The following XKR9 variants were observed in gnomAD, a reference collection of about 807,000 sequenced individuals.
XKR9 encodes the protein XK-related protein 9.
In XKR9, 32 loss-of-function variants were observed where a neutral mutation model predicts 32.0. The observed-to-expected ratio is 1.00, with a 90% confidence interval of 0.76 to 1.34. XKR9 has a LOEUF of 1.34. XKR9 is among the 40% of genes most tolerant of loss of function. The pLI, the probability that XKR9 is intolerant of heterozygous loss-of-function variation, is 0.00. For missense variants in XKR9, 546 were observed against 429.7 expected, an observed-to-expected ratio of 1.27 and a Z score of -2.39; for synonymous variants, 168 against 143.4, an observed-to-expected ratio of 1.17 and a Z score of -1.22.
intron 3 of XKR9, among the ~76,000 whole-genome samples, chr8:70,684,409 AT>A (rs1819188407): frequency 6.6e-6 from 1 of 152,096 alleles, no homozygotes; most frequent in Admixed American, 6.6e-5. Flanking sequence ...CCTCCCTCTC[AT>A]TCCTTGTATC....
intron 2 of XKR9, among the ~76,000 whole-genome samples, chr8:70,767,176 A>G (rs895041643): frequency 2.0e-5 from 3 of 152,300 alleles, no homozygotes; most frequent in Admixed American, 2.0e-4. Flanking sequence ...AAGGAATGGT[A>G]CCAGCTCCTC....
At chr8:70,800,495 A>G in the XKR9 span, among the ~76,000 whole-genome samples, 9 of 151,974 alleles carry the variant, frequency 5.9e-5, no homozygotes, top group Middle Eastern at 3.4e-3. Context: ...TGCTATGGGC[A>G]TTTATTTTTA....
downstream of XKR9, among the ~76,000 whole-genome samples, chr8:70,794,518 G>C (rs1807803893): frequency 6.6e-6 from 1 of 152,024 alleles, no homozygotes; most frequent in South Asian, 2.1e-4. Flanking sequence ...GATTGAGAAA[G>C]TTCTGTTTTC....
At chr8:70,928,479 T>G in the XKR9 span, among the ~76,000 whole-genome samples, 10 of 152,174 alleles carry the variant, frequency 6.6e-5, no homozygotes, top group East Asian at 1.7e-3. Context: ...ATAATCTGAT[T>G]TTTTTTAGGT....
At chr8:70,680,113 A>G (rs1563417387) in intron 2 of XKR9, among the ~76,000 whole-genome samples, 1 of 152,108 alleles carries the variant, frequency 6.6e-6, no homozygotes, top group Non-Finnish European at 1.5e-5. Context: ...AAAACCATAA[A>G]TAGTATACAG....
the XKR9 span, among the ~76,000 whole-genome samples, chr8:70,804,475 A>G: frequency 6.6e-6 from 1 of 152,218 alleles, no homozygotes; most frequent in African/African-American, 2.4e-5. Context: ...GCAAAGTGGG[A>G]TGATCACTAA....
chr8:70,850,041 C>T, the XKR9 span, among the ~76,000 whole-genome samples: 52 of 151,894 alleles, frequency 3.4e-4, no homozygotes, highest in East Asian at 9.7e-3. Context: ...ACCAGAGGTA[C>T]AAAGAGGAGC....
chr8:71,041,744 TTC>T, the XKR9 span, among the ~76,000 whole-genome samples: 2 of 151,648 alleles, frequency 1.3e-5, no homozygotes, highest in Non-Finnish European at 1.5e-5. Flanking sequence ...CTCTCTCCCT[TTC>T]TCTCTCTCTC....
the XKR9 span, among the ~76,000 whole-genome samples, chr8:70,856,151 C>T: frequency 6.6e-4 from 101 of 152,062 alleles, 2 homozygotes; most frequent in South Asian, 2.1e-3. Flanking sequence ...TATAAATGGG[C>T]GAAATGCTCC....
chr8:70,728,177 G>C (rs1806540035), intron 4 of XKR9, among the ~76,000 whole-genome samples: 2 of 152,162 alleles, frequency 1.3e-5, no homozygotes, highest in Admixed American at 6.5e-5. Flanking sequence ...AAGCAAGATG[G>C]AGTTGGTTAG....
At chr8:70,703,915 C>T (rs563178253) in intron 3 of XKR9, among the ~76,000 whole-genome samples, 1 of 152,114 alleles carries the variant, frequency 6.6e-6, no homozygotes, top group South Asian at 2.1e-4. Flanking sequence ...GGGCGTGGTA[C>T]CTCACGCCTG....
At chr8:70,741,006 A>T (rs1192956469) in intron 2 of XKR9, among the ~76,000 whole-genome samples, 1 of 152,248 alleles carries the variant, frequency 6.6e-6, no homozygotes, top group African/African-American at 2.4e-5. Flanking sequence ...AAGCTGTCAG[A>T]CAGGGACATT....
At chr8:71,021,286 G>A in the XKR9 span, among the ~76,000 whole-genome samples, 1 of 152,090 alleles carries the variant, frequency 6.6e-6, no homozygotes, top group Non-Finnish European at 1.5e-5. Flanking sequence ...GTGATGCAGA[G>A]CATTTTTTCA....
intron 2 of XKR9, among the ~76,000 whole-genome samples, chr8:70,764,525 A>C (rs1307358217): frequency 2.0e-5 from 3 of 152,182 alleles, no homozygotes; most frequent in African/African-American, 7.2e-5. Flanking sequence ...TCTATATGAA[A>C]GTCTATGATT....
chr8:70,958,049 A>G, the XKR9 span, among the ~76,000 whole-genome samples: 1 of 152,146 alleles, frequency 6.6e-6, no homozygotes, highest in African/African-American at 2.4e-5. Flanking sequence ...TGGAGTCCCA[A>G]AGTGGTGGAA....
chr8:70,753,756 G>A (rs1228705386), intron 2 of XKR9, among the ~76,000 whole-genome samples: 1 of 151,602 alleles, frequency 6.6e-6, no homozygotes, highest in African/African-American at 2.4e-5. Flanking sequence ...GGTACTGATG[G>A]GACGTATCTC....
intron 3 of XKR9, among the ~76,000 whole-genome samples, chr8:70,703,810 A>T (rs775894823): frequency 6.6e-6 from 1 of 152,144 alleles, no homozygotes; most frequent in Non-Finnish European, 1.5e-5. Flanking sequence ...AGATATAGGG[A>T]TAAAAATATG....
the XKR9 span, among the ~76,000 whole-genome samples, chr8:70,847,936 A>G: frequency 2.0e-5 from 3 of 152,114 alleles, no homozygotes; most frequent in Admixed American, 2.0e-4. Flanking sequence ...CAAAAAATGG[A>G]AAAGGAGGGA....
chr8:71,003,690 A>T, the XKR9 span, among the ~76,000 whole-genome samples: 1 of 152,338 alleles, frequency 6.6e-6, no homozygotes, highest in East Asian at 1.9e-4. Flanking sequence ...GTGAATGAAT[A>T]CATATGGCCC....
Sources: allele counts gnomAD v4.1 joint callset (sites outside exome capture counted in the v4.1 genomes callset), GRCh38; gene constraint gnomAD v4.1.1; transcripts MANE v1.5; gene names NCBI Gene and HGNC (gene_info 2026-07-23, HGNC 2026-07-21).